The following MYO10 variants were observed in gnomAD, a reference collection of about 807,000 sequenced individuals.
MYO10 encodes unconventional myosin-X.
In MYO10, 133 loss-of-function variants were observed where a neutral mutation model predicts 257.3. The ratio of observed to expected loss-of-function variants is 0.52; its 90% CI spans 0.45 to 0.60. The LOEUF (loss-of-function observed/expected upper bound fraction) is 0.60, where lower values mean the gene tolerates loss of function less well. MYO10 is among the 20% of genes least tolerant of loss of function. The probability of loss-of-function intolerance (pLI) is 0.00; values close to 1 mark genes in which losing one functional copy is unlikely to be tolerated. For missense variants in MYO10, 2,399 were observed against 2,635.7 expected, an observed-to-expected ratio of 0.91 and a Z score of 1.97; for synonymous variants, 1,104 against 1,028.6, an observed-to-expected ratio of 1.07 and a Z score of -1.40.
At chr5:16,853,411 GTTCTC>G (rs1285741609) in intron 2 of MYO10, among the ~76,000 whole-genome samples, 2 of 151,974 alleles carry the variant, frequency 1.3e-5, no homozygotes, top group Non-Finnish European at 2.9e-5. Context: ...TGTTATGTCA[GTTCTC>G]TTCTTAAAAA....
intron 27 of MYO10, among the ~76,000 whole-genome samples, chr5:16,691,937 G>C (rs1737528545): frequency 6.6e-6 from 1 of 152,138 alleles, no homozygotes; most frequent in Non-Finnish European, 1.5e-5. Flanking sequence ...AGAAACCATG[G>C]GATAAGCGAG....
At chr5:16,679,111 A>G (rs887494902) in intron 33 of MYO10, among the ~76,000 whole-genome samples, 2 of 152,208 alleles carry the variant, frequency 1.3e-5, no homozygotes, top group Non-Finnish European at 2.9e-5. Flanking sequence ...GTGTTAATAG[A>G]GAGACTCAGG....
intron 1 of MYO10, among the ~76,000 whole-genome samples, chr5:16,923,291 T>C (rs985904318): frequency 1.3e-5 from 2 of 151,960 alleles, no homozygotes; most frequent in Non-Finnish European, 2.9e-5. Flanking sequence ...CACTAAACTC[T>C]TCTTTTTTTT....
At chr5:16,699,421 C>A in intron 26 of MYO10, 29 bp downstream of exon 26, 1 of 1,610,564 alleles carries the variant, frequency 6.2e-7, no homozygotes, top group African/African-American at 1.3e-5. Context: ...CTCCCCCTAA[C>A]CCAGACTCCA....
chr5:16,694,271 A>G (rs1737631830), intron 27 of MYO10, 100 bp downstream of exon 27: 1 of 1,546,256 alleles, frequency 6.5e-7, no homozygotes, highest in Non-Finnish European at 8.8e-7. Context: ...CACCTGCTAC[A>G]GGCTACTGCC....
chr5:16,933,535 A>C (rs1746351029), intron 1 of MYO10, among the ~76,000 whole-genome samples: 1 of 152,234 alleles, frequency 6.6e-6, no homozygotes, highest in African/African-American at 2.4e-5. Context: ...CAATGGGAAA[A>C]GTTAGCAAAG....
chr5:16,685,556 T>C (rs1475002344), intron 29 of MYO10, among the ~76,000 whole-genome samples, 182 bp downstream of exon 29: 1 of 152,186 alleles, frequency 6.6e-6, no homozygotes, highest in Non-Finnish European at 1.5e-5. Flanking sequence ...CCACTTATTA[T>C]ATTTATTATT....
intron 19 of MYO10, among the ~76,000 whole-genome samples, chr5:16,736,450 T>G (rs963847909): frequency 2.0e-5 from 3 of 152,298 alleles, no homozygotes; most frequent in Non-Finnish European, 4.4e-5. Flanking sequence ...CCACAGAGTT[T>G]TCAGAGGTTG....
chr5:16,926,083 C>T (rs2126804738), intron 1 of MYO10, among the ~76,000 whole-genome samples: 1 of 152,160 alleles, frequency 6.6e-6, no homozygotes. Flanking sequence ...AATGGATATC[C>T]CAATGACCCT....
intron 9 of MYO10, among the ~76,000 whole-genome samples, chr5:16,774,756 T>C (rs1741166943): frequency 6.6e-6 from 1 of 152,144 alleles, no homozygotes; most frequent in Admixed American, 6.5e-5. Context: ...TATATTATTT[T>C]AAAAATACTT....
intron 36 of MYO10, among the ~76,000 whole-genome samples, chr5:16,673,370 T>G (rs1057440786): frequency 2.6e-5 from 4 of 152,188 alleles, no homozygotes; most frequent in Non-Finnish European, 4.4e-5. Context: ...GCAGAAGCAC[T>G]GCAATAAACC....
At position 16,663,101 on chromosome 5, in the gene MYO10, G is replaced by A. The variant is rs1470853709; in HGVS notation, c.*3591C>T. On this transcript the variant is annotated 3_prime_UTR_variant, in exon 41 of 41. Transcript: ENST00000513610. ...AGGCAATTCTATAGGTATTAATGTAGGATTAGAGCTAAAATACTATGCTGA... is the reference window on the plus strand; with the variant it reads ...AGGCAATTCTATAGGTATTAATGTAAGATTAGAGCTAAAATACTATGCTGA... 1.3e-5 allele frequency: 2 copies of A among 152,078 alleles called. No homozygotes were observed. The highest frequency in any genetic ancestry group is 2.9e-5 in the Non-Finnish European group (2 of 68,038). The allele number at this position is 152,078 out of a possible 1,614,324, so 9.4% of individuals were successfully genotyped here. A position where few individuals can be genotyped will look rare whatever the true frequency, so the allele number is the denominator to read the frequency against.
At chr5:16,930,864 C>A (rs31455) in intron 1 of MYO10, among the ~76,000 whole-genome samples, 68,922 of 151,898 alleles carry the variant, frequency 0.45, 16,001 homozygotes, top group African/African-American at 0.53. Flanking sequence ...CAAGGGGAAA[C>A]GCTTAATCCA....
At chr5:16,918,250 G>C (rs1030781575) in intron 1 of MYO10, among the ~76,000 whole-genome samples, 1 of 152,134 alleles carries the variant, frequency 6.6e-6, no homozygotes, top group Non-Finnish European at 1.5e-5. Flanking sequence ...AGACAGCTGC[G>C]TGTCACTTCC....
chr5:16,672,579 A>G, intron 37 of MYO10, 110 bp downstream of exon 37: 1 of 1,302,876 alleles, frequency 7.7e-7, no homozygotes, highest in Non-Finnish European at 1.1e-6. Flanking sequence ...AAATAAAACT[A>G]ACTCCAATAC....
chr5:16,757,600 T>C (rs1217915235), intron 18 of MYO10, among the ~76,000 whole-genome samples: 1 of 152,190 alleles, frequency 6.6e-6, no homozygotes, highest in Non-Finnish European at 1.5e-5. Flanking sequence ...AATAGCCATT[T>C]ATTTTTTTAA....
intron 3 of MYO10, among the ~76,000 whole-genome samples, chr5:16,804,760 C>T (rs1229050502): frequency 6.6e-6 from 1 of 151,776 alleles, no homozygotes. Context: ...ACTAAAAATA[C>T]GAAAATTAGC....
chr5:16,700,225 T>C (rs1317773599), intron 25 of MYO10, among the ~76,000 whole-genome samples: 1 of 152,146 alleles, frequency 6.6e-6, no homozygotes, highest in African/African-American at 2.4e-5. Flanking sequence ...GTGAAGTTAG[T>C]ACAAGGAAAG....
rs545305570 is a variant in MYO10 at position 16,902,705 on chromosome 5, T to G, written c.22-24998A>C. ...TTGTATTTTTAGTGGAGATGGGGTT[T>G]CAGTCAAGCTTGTCTCAAACTCCTG... On this transcript the variant is annotated intron_variant, in intron 1 of 40. Transcript: ENST00000513610. The G allele has an allele frequency of 8.2e-4, 693 of 840,588 alleles. 3 individuals are homozygous for G. In the Middle Eastern group the frequency reaches 8.4e-3, roughly 10 times the overall value. The allele number at this position is 840,588 out of a possible 1,614,324, so 52.1% of individuals were successfully genotyped here.
Sources: allele counts gnomAD v4.1 joint callset (sites outside exome capture counted in the v4.1 genomes callset), GRCh38; gene constraint gnomAD v4.1.1; transcripts MANE v1.5; gene names NCBI Gene and HGNC (gene_info 2026-07-23, HGNC 2026-07-21).